Variants in NRXN3 observed in about 807,000 individuals in gnomAD.
The protein encoded by NRXN3 is neurexin III.
Under a neutral mutation model 137.6 loss-of-function variants are expected in NRXN3, and 32 were observed. The ratio of observed to expected loss-of-function variants is 0.23; its 90% CI spans 0.18 to 0.31. The LOEUF is 0.31. Ranked by LOEUF, NRXN3 falls within the 10% of genes least tolerant of loss-of-function variation. The probability of loss-of-function intolerance (pLI) is 1.00; values close to 1 mark genes in which losing one functional copy is unlikely to be tolerated. For synonymous variants in NRXN3, 798 were observed against 784.5 expected, an observed-to-expected ratio of 1.02 and a Z score of -0.29; for missense variants, 1,574 against 2,062.5, an observed-to-expected ratio of 0.76 and a Z score of 4.59.
intron 10 of NRXN3, among the ~76,000 whole-genome samples, chr14:78,907,881 G>C (rs529864141): frequency 3.3e-5 from 5 of 152,142 alleles, no homozygotes; most frequent in African/African-American, 7.2e-5. Context: ...TTATAAGAGA[G>C]AACATGTGGT....
At chr14:79,734,568 T>C (rs1485493618) in intron 19 of NRXN3, among the ~76,000 whole-genome samples, 1 of 152,234 alleles carries the variant, frequency 6.6e-6, no homozygotes, top group Non-Finnish European at 1.5e-5. Flanking sequence ...GTTTTGCTTT[T>C]TTTCTCATTT....
At chr14:78,290,093 C>T (rs945302576) in intron 3 of NRXN3, among the ~76,000 whole-genome samples, 3 of 152,178 alleles carry the variant, frequency 2.0e-5, no homozygotes, top group Non-Finnish European at 4.4e-5. Context: ...ACTAATGCCT[C>T]CCCTAATGTA....
intron 4 of NRXN3, among the ~76,000 whole-genome samples, chr14:78,394,456 A>G (rs2091195315): frequency 1.3e-5 from 2 of 151,840 alleles, no homozygotes; most frequent in South Asian, 4.1e-4. Flanking sequence ...CTTTGTATAT[A>G]TTGTTAAATT....
chr14:79,496,694 A>G (rs2096771015), intron 16 of NRXN3, among the ~76,000 whole-genome samples: 2 of 152,318 alleles, frequency 1.3e-5, no homozygotes, highest in African/African-American at 4.8e-5. Flanking sequence ...AGTTAAAATT[A>G]GAGGTAAAAC....
At chr14:78,649,391 T>C in intron 5 of NRXN3, 1 of 488,468 alleles carries the variant, frequency 2.0e-6, no homozygotes, top group Non-Finnish European at 3.5e-6. Context: ...CCCCCTTTTA[T>C]CCTCTTTAGA....
chr14:79,014,416 T>C (rs1384420534), intron 15 of NRXN3, among the ~76,000 whole-genome samples: 1 of 152,150 alleles, frequency 6.6e-6, no homozygotes, highest in Admixed American at 6.5e-5. Flanking sequence ...ACTCCATTCA[T>C]GTTGCTGCAG....
chr14:79,726,283 T>C (rs1412226250), intron 19 of NRXN3, among the ~76,000 whole-genome samples: 2 of 152,228 alleles, frequency 1.3e-5, no homozygotes, highest in African/African-American at 4.8e-5. Context: ...TTGCTGCACC[T>C]GGGTAATAAC....
At chr14:79,705,629 G>A (rs533261923) in intron 19 of NRXN3, among the ~76,000 whole-genome samples, 32 of 152,178 alleles carry the variant, frequency 2.1e-4, no homozygotes, top group East Asian at 5.8e-4. Context: ...TGTGCCAAGC[G>A]TGCCTGTGCC....
At chr14:78,968,512 G>A (rs1179663235) in intron 14 of NRXN3, among the ~76,000 whole-genome samples, 166 bp downstream of exon 14, 1 of 152,132 alleles carries the variant, frequency 6.6e-6, no homozygotes, top group Non-Finnish European at 1.5e-5. Context: ...GGTTTAGTAT[G>A]TCAAGACATG....
chr14:79,219,420 A>G (rs537311975), intron 15 of NRXN3, among the ~76,000 whole-genome samples: 2 of 152,284 alleles, frequency 1.3e-5, no homozygotes, highest in Non-Finnish European at 2.9e-5. Flanking sequence ...GTCAACCACC[A>G]TGCCTGGCCA....
Position 78,352,373 on chromosome 14 carries a change from G to A in NRXN3, c.757+54513G>A, listed in dbSNP as rs1044772880. Among the ~76,000 whole-genome samples, 4 of 152,222 alleles carry A rather than the reference G, an allele frequency of 2.6e-5. No homozygotes were observed. In the South Asian group the frequency reaches 6.2e-4, roughly 24 times the overall value. ...CTTATCTCTGGAAGGTCTCTTTCCT[G>A]GCTCTTGCTCTGTGTGTTTCCACTG... On this transcript the variant is annotated intron_variant, in intron 4 of 20. Coordinates refer to ENST00000335750, the MANE Select transcript of NRXN3 (RefSeq NM_001330195.2).
At chr14:79,260,659 G>T (rs189030208) in intron 15 of NRXN3, among the ~76,000 whole-genome samples, 24 of 152,208 alleles carry the variant, frequency 1.6e-4, no homozygotes, top group Admixed American at 1.6e-3. Flanking sequence ...CACCCCACTT[G>T]CCACCCACAA....
chr14:79,778,223 C>G (rs7153734), intron 19 of NRXN3, among the ~76,000 whole-genome samples: 10,118 of 152,000 alleles, frequency 0.067, 1,105 homozygotes, highest in African/African-American at 0.23. Flanking sequence ...GAGACCAGCC[C>G]GGCCAGCATG....
In NRXN3 at chr14:78,413,389, G is replaced by A. The variant is rs534253737; in HGVS notation, c.757+115529G>A. Among the ~76,000 whole-genome samples, 169 of 152,304 alleles carry A rather than the reference G, an allele frequency of 1.1e-3. 1 individual carries two copies. The highest frequency in any genetic ancestry group is 2.1e-3 in the Non-Finnish European group (140 of 68,034). ...CAACCTCCACCTACTGGGTTCAAGC[G>A]ATTCTCCTGCCTCAGCTGCTGGAGT... is the stretch of plus-strand genomic sequence containing the variant. On this transcript the variant is annotated intron_variant, in intron 4 of 20. Coordinates refer to ENST00000335750, the MANE Select transcript of NRXN3 (RefSeq NM_001330195.2).
At chr14:79,226,811 T>C (rs1040470958) in intron 15 of NRXN3, among the ~76,000 whole-genome samples, 1 of 112,288 alleles carries the variant, frequency 8.9e-6, no homozygotes, top group Non-Finnish European at 1.7e-5. Context: ...TCATCCTTTT[T>C]TTCTTTTTTT....
intron 20 of NRXN3, among the ~76,000 whole-genome samples, chr14:79,846,908 C>T (rs1002227334): frequency 1.3e-5 from 2 of 152,150 alleles, no homozygotes; most frequent in Non-Finnish European, 2.9e-5. Flanking sequence ...TTTTACCCCC[C>T]ACACTAGCCT....
At chr14:79,020,471 G>T (rs1285069181) in intron 15 of NRXN3, among the ~76,000 whole-genome samples, 3 of 149,080 alleles carry the variant, frequency 2.0e-5, no homozygotes, top group Non-Finnish European at 4.4e-5. Flanking sequence ...CTCCTTGTTG[G>T]TCAGGCTGGT....
intron 16 of NRXN3, among the ~76,000 whole-genome samples, chr14:79,520,449 C>T (rs773936898): frequency 2.0e-5 from 3 of 152,144 alleles, no homozygotes; most frequent in Non-Finnish European, 4.4e-5. Flanking sequence ...TCCCCTAGCC[C>T]TCTACCCTCT....
chr14:79,642,369 T>C (rs1488778510), intron 16 of NRXN3, among the ~76,000 whole-genome samples: 1 of 135,840 alleles, frequency 7.4e-6, no homozygotes, highest in East Asian at 2.0e-4. Context: ...AGACTGTAAT[T>C]GTTTCTTTTC....
Sources: allele counts gnomAD v4.1 joint callset (sites outside exome capture counted in the v4.1 genomes callset), GRCh38; gene constraint gnomAD v4.1.1; transcripts MANE v1.5; gene names NCBI Gene and HGNC (gene_info 2026-07-23, HGNC 2026-07-21).